The following SLC11A2 variants were observed in gnomAD, a reference collection of about 807,000 sequenced individuals.
SLC11A2 encodes solute carrier family 11 member 2.
Under a neutral mutation model 68.0 loss-of-function variants are expected in SLC11A2, and 38 were observed. The observed-to-expected ratio is 0.56, with a 90% CI of 0.43 to 0.73. The LOEUF (loss-of-function observed/expected upper bound fraction) is 0.73, where lower values mean the gene tolerates loss of function less well. SLC11A2 is among the 30% of genes least tolerant of loss of function. SLC11A2 has a pLI of 0.00. For synonymous variants in SLC11A2, 242 were observed against 250.6 expected (o/e 0.97, Z 0.32); for missense variants, 517 against 690.5 (o/e 0.75, Z 2.82).
chr12:50,992,383 C>CA (rs768571785), intron 12 of SLC11A2, 44 bp from the exon 13 acceptor site: 9 of 1,602,024 alleles, frequency 5.6e-6, no homozygotes, highest in African/African-American at 4.0e-5. Flanking sequence ...CAACAGGAAA[C>CA]AAAAAAAAGT....
At chr12:50,994,017 A>AAAAAAAAAAAAAAT (rs1941457197) in intron 11 of SLC11A2, among the ~76,000 whole-genome samples, 3 of 119,776 alleles carry the variant, frequency 2.5e-5, no homozygotes, top group Non-Finnish European at 3.6e-5. Context: ...AAAAAAAAAA[A>AAAAAAAAAAAAAAT]GCTGGGGTGT....
Position 50,986,992 on chromosome 12 carries a change from A to C in SLC11A2, c.*1333T>G. 7.8e-7 allele frequency: 1 copy of C among 1,285,402 alleles called. No homozygotes were observed. The highest frequency in any genetic ancestry group is 1.0e-6 in the Non-Finnish European group (1 of 987,466). The allele number at this position is 1,285,402 out of a possible 1,614,324, so 79.6% of individuals were successfully genotyped here. On this transcript the variant is annotated 3_prime_UTR_variant, in exon 16 of 16. Transcript: ENST00000262052. ...CATTACTGTTCTCACCAAATCAATG[A>C]CTATAAAACAGTTTTGATTATTTAT...
chr12:50,986,780 T>G lies in SLC11A2; in HGVS notation c.*1545A>C, dbSNP rs975035056. On this transcript the variant is annotated 3_prime_UTR_variant, in exon 16 of 16. Coordinates refer to ENST00000262052, the MANE Select transcript of SLC11A2 (RefSeq NM_000617.3). ...TACTTGAGGGGCTAAGAAAAATGTA[T>G]GGTCAGTGAAACACAGTAGTGTACC... is the stretch of plus-strand genomic sequence containing the variant. 2 of 1,287,144 alleles carry G rather than the reference T, an allele frequency of 1.6e-6. No individual in the cohort carries two copies. The highest frequency in any genetic ancestry group is 2.5e-5 in the South Asian group (2 of 80,932). The allele number at this position is 1,287,144 out of a possible 1,614,324, so 79.7% of individuals were successfully genotyped here.
At chr12:50,960,921 G>T in the SLC11A2 span, 2 of 1,468,422 alleles carry the variant, frequency 1.4e-6, no homozygotes, top group Non-Finnish European at 1.8e-6. Flanking sequence ...CTCACACGAT[G>T]CTCCTGCCTC....
At chr12:50,989,426 G>A (rs224565) in intron 15 of SLC11A2, among the ~76,000 whole-genome samples, 105,692 of 152,052 alleles carry the variant, frequency 0.7, 37,919 homozygotes, top group East Asian at 0.87. Flanking sequence ...AGGAGGCAGA[G>A]GTTGCAGTGA....
downstream of SLC11A2, among the ~76,000 whole-genome samples, chr12:50,977,305 C>T (rs1177745857): frequency 2.0e-5 from 3 of 152,080 alleles, no homozygotes; most frequent in Non-Finnish European, 2.9e-5. Context: ...GAGATATAGA[C>T]CAATGGAACA....
the SLC11A2 span, among the ~76,000 whole-genome samples, chr12:50,966,874 G>A: frequency 1.3e-5 from 2 of 152,120 alleles, no homozygotes; most frequent in African/African-American, 2.4e-5. Flanking sequence ...CACAGGATTC[G>A]GGAGGCCAAG....
chr12:51,014,669 T>C (rs1566031656), intron 1 of SLC11A2, among the ~76,000 whole-genome samples: 1 of 149,918 alleles, frequency 6.7e-6, no homozygotes, highest in Non-Finnish European at 1.5e-5. Flanking sequence ...CTGGCCAACA[T>C]GGGTGAAACC....
chr12:50,958,685 G>A, the SLC11A2 span, among the ~76,000 whole-genome samples: 1 of 152,028 alleles, frequency 6.6e-6, no homozygotes, highest in African/African-American at 2.4e-5. Context: ...GGTACTGATG[G>A]AAGGTCAAAT....
chr12:50,952,707 T>G, the SLC11A2 span, among the ~76,000 whole-genome samples: 1 of 152,128 alleles, frequency 6.6e-6, no homozygotes, highest in Non-Finnish European at 1.5e-5. Flanking sequence ...GCGATGGCCT[T>G]ACCGCCAGGT....
chr12:50,993,947 G>A (rs958617284), intron 11 of SLC11A2, among the ~76,000 whole-genome samples: 2 of 122,088 alleles, frequency 1.6e-5, no homozygotes, highest in African/African-American at 6.3e-5. Flanking sequence ...AGCCATGATC[G>A]AGCCACTGTA....
the SLC11A2 span, among the ~76,000 whole-genome samples, chr12:50,968,128 GAAT>G: frequency 2.3e-3 from 349 of 148,834 alleles, 1 homozygote; most frequent in African/African-American, 7.9e-3. Context: ...AGGAGGAGGA[GAAT>G]GAGGAGGAGG....
chr12:50,988,487 C>G (rs745439859), intron 15 of SLC11A2, 52 bp from the exon 16 acceptor site: 1 of 1,611,840 alleles, frequency 6.2e-7, no homozygotes, highest in East Asian at 2.2e-5. Context: ...AGAGCCATGA[C>G]TGCTCACACA....
intron 1 of SLC11A2, among the ~76,000 whole-genome samples, chr12:51,017,662 T>C (rs542903393): frequency 6.6e-6 from 1 of 152,324 alleles, no homozygotes; most frequent in South Asian, 2.1e-4. Flanking sequence ...TCAACAAACA[T>C]TTTAGGGATG....
intron 11 of SLC11A2, among the ~76,000 whole-genome samples, chr12:50,993,927 G>A (rs113367694): frequency 4.1e-5 from 6 of 147,262 alleles, no homozygotes; most frequent in African/African-American, 7.5e-5. Flanking sequence ...GGTAGGTGGA[G>A]GCTGCAGTGA....
rs746056550 is a variant in SLC11A2 at position 50,999,162 on chromosome 12, T to C, written c.675+12A>G. On this transcript the variant is annotated intron_variant, in intron 8 of 15. Transcript: ENST00000262052. ...TATTTTAAGAAGCTAATGAATATCC[T>C]GTACCACTTGCCTCATATCCAAATG... is the stretch of plus-strand genomic sequence containing the variant. The C allele has an allele frequency of 2.5e-6, 4 of 1,597,746 alleles. No homozygotes were observed. Among genetic ancestry groups the C allele is most frequent in the Non-Finnish European group, 3.4e-6 (4 of 1,165,756 alleles).
chr12:51,007,460 G>A (rs913814357), intron 3 of SLC11A2, among the ~76,000 whole-genome samples: 5 of 151,946 alleles, frequency 3.3e-5, no homozygotes, highest in Admixed American at 6.6e-5. Flanking sequence ...TCAGTCTCCC[G>A]AGTAGCTGGG....
intron 3 of SLC11A2, 66 bp downstream of exon 3, chr12:51,008,410 A>G: frequency 7.1e-7 from 1 of 1,402,212 alleles, no homozygotes; most frequent in Non-Finnish European, 1.0e-6. Context: ...TGAGCCATCC[A>G]GCAGATCTTT....
At position 50,986,541 on chromosome 12, in the gene SLC11A2, G is replaced by T; in HGVS notation, c.*1784C>A. 1 of 1,282,142 alleles carries T rather than the reference G, an allele frequency of 7.8e-7. No homozygotes were observed. The highest frequency in any genetic ancestry group is 1.0e-6 in the Non-Finnish European group (1 of 983,906). 79.4% of individuals were successfully genotyped at this position (1,282,142 alleles called of 1,614,324 possible). A position where few individuals can be genotyped will look rare whatever the true frequency, so the allele number is the denominator to read the frequency against. ...TGGACCCACCCAGACCCAGGGCAAA[G>T]ATACATGTTACCATATCATCTTTAT... is the stretch of plus-strand genomic sequence containing the variant. On this transcript the variant is annotated 3_prime_UTR_variant, in exon 16 of 16. Coordinates refer to ENST00000262052, the MANE Select transcript of SLC11A2 (RefSeq NM_000617.3).
Sources: gnomAD v4.1 joint callset for allele counts (sites outside exome capture counted in the v4.1 genomes callset) on GRCh38, gnomAD v4.1.1 for gene constraint, MANE v1.5 for transcripts, NCBI Gene and HGNC (gene_info 2026-07-23, HGNC 2026-07-21) for gene names.